Variants in BMPR2 observed in about 807,000 individuals in gnomAD.
BMPR2 encodes the protein bone morphogenetic protein receptor type-2.
Under a neutral mutation model 100.8 loss-of-function variants are expected in BMPR2, and 29 were observed. The ratio of observed to expected loss-of-function variants is 0.29; its 90% confidence interval spans 0.21 to 0.39. The LOEUF (loss-of-function observed/expected upper bound fraction) is 0.39. Ranked by LOEUF, BMPR2 falls within the 10% of genes least tolerant of loss-of-function variation. The probability of loss-of-function intolerance (pLI) is 1.00; values close to 1 mark genes in which losing one functional copy is unlikely to be tolerated. For missense variants in BMPR2, 1,011 were observed against 1,274.5 expected (o/e 0.79, Z 3.15); for synonymous variants, 382 against 442.3 (o/e 0.86, Z 1.71).
chr2:202,378,174 C>T (rs550515067), intron 1 of BMPR2, among the ~76,000 whole-genome samples: 7 of 152,268 alleles, frequency 4.6e-5, no homozygotes, highest in African/African-American at 1.7e-4. Context: ...GCTTTGCTGT[C>T]GAGACAACTT....
intron 8 of BMPR2, among the ~76,000 whole-genome samples, 169 bp downstream of exon 8, chr2:202,531,123 C>A (rs1023074305): frequency 2.6e-5 from 4 of 152,174 alleles, no homozygotes; most frequent in African/African-American, 9.6e-5. Flanking sequence ...GCCAACATGG[C>A]GAAACCCCGT....
At chr2:202,393,890 A>AGAGCGAGAGAGC (rs1559024358) in intron 1 of BMPR2, among the ~76,000 whole-genome samples, 1 of 69,352 alleles carries the variant, frequency 1.4e-5, no homozygotes, top group African/African-American at 8.5e-5. Context: ...AGCGAGAGAG[A>AGAGCGAGAGAGC]GAGAGAGAGA....
intron 1 of BMPR2, among the ~76,000 whole-genome samples, chr2:202,463,742 A>T (rs1692266370): frequency 6.6e-6 from 1 of 152,266 alleles, no homozygotes; most frequent in African/African-American, 2.4e-5. Flanking sequence ...TACAAAAATT[A>T]GTTAAATCGG....
intron 3 of BMPR2, among the ~76,000 whole-genome samples, chr2:202,510,250 GT>G (rs1053145001): frequency 5.3e-5 from 8 of 152,136 alleles, no homozygotes; most frequent in African/African-American, 1.7e-4. Context: ...AACCCTGTCT[GT>G]ACTAAAAAAT....
chr2:202,441,608 C>T (rs1334244336), intron 1 of BMPR2, among the ~76,000 whole-genome samples: 4 of 145,144 alleles, frequency 2.8e-5, no homozygotes, highest in Non-Finnish European at 4.4e-5. Flanking sequence ...GTCCCAACTA[C>T]TCAAGAGGCT....
At chr2:202,555,167 C>T in intron 11 of BMPR2, 85 bp from the exon 12 acceptor site, 1 of 1,257,264 alleles carries the variant, frequency 8.0e-7, no homozygotes, top group Non-Finnish European at 1.1e-6. Context: ...ACAACTCAGA[C>T]TTTAAAATCA....
rs886055464 is a variant in BMPR2 at position 202,376,638 on chromosome 2, G to T, written c.-837G>T. The stretch of plus-strand genomic sequence containing the variant: ...GCTTTCTTGGTGGAATTTACCTCAG[G>T]CAAGATCGAGCCGCAGGAATAAAAA... On this transcript the variant is annotated 5_prime_UTR_variant, in exon 1 of 13. Coordinates refer to ENST00000374580, the MANE Select transcript of BMPR2 (RefSeq NM_001204.7). Among the ~76,000 whole-genome samples the T allele has an allele frequency of 6.8e-6, 1 of 146,474 alleles. No individual in the cohort carries two copies. The highest frequency in any genetic ancestry group is 2.5e-4 in the South Asian group (1 of 3,996).
chr2:202,542,800 G>C (rs1688300843), intron 10 of BMPR2, among the ~76,000 whole-genome samples: 1 of 151,970 alleles, frequency 6.6e-6, no homozygotes, highest in South Asian at 2.1e-4. Flanking sequence ...AGTAGTGCAG[G>C]CTTACATAAC....
intron 9 of BMPR2, among the ~76,000 whole-genome samples, chr2:202,533,456 G>C (rs929612509): frequency 2.0e-5 from 3 of 151,974 alleles, no homozygotes; most frequent in African/African-American, 7.3e-5. Context: ...GAACCCGGGA[G>C]GCAGAGGTTG....
rs1193466606 is a variant in BMPR2, at chr2:202,524,559, G to A, written c.967+4358G>A. On this transcript the variant is annotated intron_variant, in intron 7 of 12. Transcript: ENST00000374580. ...CCAACACTTTGGGAGGCTGAGACGG[G>A]CAGAGAGCCCAAGAGTTCAAGACCA... Among the ~76,000 whole-genome samples, 3 of 152,122 alleles carry A rather than the reference G, an allele frequency of 2.0e-5. No homozygotes were observed. In the East Asian group the frequency reaches 5.8e-4, roughly 29 times the overall value.
chr2:202,472,875 A>G (rs1046190603), intron 3 of BMPR2, among the ~76,000 whole-genome samples: 1 of 152,186 alleles, frequency 6.6e-6, no homozygotes, highest in Non-Finnish European at 1.5e-5. Flanking sequence ...CATTAACTCA[A>G]TTTATATATT....
chr2:202,504,205 A>C (rs1325527218), intron 3 of BMPR2, among the ~76,000 whole-genome samples: 1 of 152,182 alleles, frequency 6.6e-6, no homozygotes, highest in East Asian at 1.9e-4. Context: ...TAGCAGTGGT[A>C]ACCCGCTTGG....
At chr2:202,448,788 G>A (rs1031700252) in intron 1 of BMPR2, among the ~76,000 whole-genome samples, 2 of 151,768 alleles carry the variant, frequency 1.3e-5, no homozygotes, top group South Asian at 2.1e-4. Flanking sequence ...TAGACTCCAG[G>A]ATATATAAGC....
chr2:202,446,405 AAAAG>A (rs1691850037), intron 1 of BMPR2, among the ~76,000 whole-genome samples: 1 of 150,568 alleles, frequency 6.6e-6, no homozygotes, highest in South Asian at 2.1e-4. Context: ...TCTCAAAAAA[AAAAG>A]AAAGAAAATT....
chr2:202,465,116 T>G, intron 2 of BMPR2, 137 bp downstream of exon 2: 2 of 1,138,898 alleles, frequency 1.8e-6, no homozygotes, highest in Non-Finnish European at 1.3e-6. Context: ...CCAGGTGTGG[T>G]GGCTCATGCC....
chr2:202,537,921 G>A (rs112926846), intron 9 of BMPR2, among the ~76,000 whole-genome samples: 6,610 of 152,056 alleles, frequency 0.043, 223 homozygotes, highest in Non-Finnish European at 0.064. Context: ...TCAGGAGTTC[G>A]AGACCAGCCT....
intron 1 of BMPR2, among the ~76,000 whole-genome samples, chr2:202,410,548 T>C (rs1188417834): frequency 2.6e-5 from 4 of 152,208 alleles, no homozygotes; most frequent in Non-Finnish European, 5.9e-5. Flanking sequence ...TCCATACTAA[T>C]ATAAACAAGG....
rs571483044 is a variant in BMPR2, at chr2:202,379,955, G to T, written c.76+2405G>T. The stretch of plus-strand genomic sequence containing the variant: ...TCACCACAACTTCCGCCTCCCAGGC[G>T]CAAGTGGTTCTCCTGCCTCAGCCTC... On this transcript the variant is annotated intron_variant, in intron 1 of 12. Coordinates refer to ENST00000374580, the MANE Select transcript of BMPR2 (RefSeq NM_001204.7). 8.8e-4 allele frequency among the ~76,000 whole-genome samples: 134 copies of T among 152,022 alleles called. 1 individual carries two copies. Among genetic ancestry groups the T allele is most frequent in the African/African-American group, 3.0e-3 (126 of 41,450 alleles).
At chr2:202,416,713 T>G (rs1553498192) in intron 1 of BMPR2, among the ~76,000 whole-genome samples, 1 of 151,954 alleles carries the variant, frequency 6.6e-6, no homozygotes, top group Non-Finnish European at 1.5e-5. Flanking sequence ...CATGAGCCAC[T>G]GTGCCCTGTT....
Sources: allele counts gnomAD v4.1 joint callset (sites outside exome capture counted in the v4.1 genomes callset), GRCh38; gene constraint gnomAD v4.1.1; transcripts MANE v1.5; gene names NCBI Gene and HGNC (gene_info 2026-07-23, HGNC 2026-07-21).